The following TERT variants were observed in gnomAD, a reference collection of about 807,000 sequenced individuals.
TERT encodes the protein telomerase reverse transcriptase, also known as telomerase catalytic subunit.
A neutral mutation model predicts 104.0 loss-of-function variants in TERT; 42 were observed. The ratio of observed to expected loss-of-function variants is 0.40; its 90% CI spans 0.32 to 0.52. TERT has a LOEUF of 0.52. TERT is among the 20% of genes least tolerant of loss of function. The probability of loss-of-function intolerance (pLI) is 0.43; values close to 1 mark genes in which losing one functional copy is unlikely to be tolerated. For missense variants in TERT, 1,101 were observed against 1,610.3 expected, an observed-to-expected ratio of 0.68 and a Z score of 5.41; for synonymous variants, 781 against 725.6, an observed-to-expected ratio of 1.08 and a Z score of -1.23.
At chr5:1,259,533 G>A (rs1579549605) in intron 12 of TERT, among the ~76,000 whole-genome samples, 1 of 128,538 alleles carries the variant, frequency 7.8e-6, no homozygotes, top group African/African-American at 3.0e-5. Context: ...AGGAGAGAGG[G>A]AGCAGACGCA....
In TERT at chr5:1,268,573, G is replaced by A. The variant is rs1268553346; in HGVS notation, c.2529C>T (p.Ser843=). The part of the protein sequence containing the change: ...QGSILSTLLC[S]LCYGDMENKL... ...TGTTCTCCATGTCGCCGTAGCACAG[G>A]CTGCAGAGCAGCGTGGAGAGGATGG... The change falls in exon 9 of 16, where the codon AGC becomes AGT. Residue 843 remains serine (S), a synonymous_variant. Coordinates refer to ENST00000310581, the MANE Select transcript of TERT (RefSeq NM_198253.3). This position sits in a 1 kb window ranked among gnomAD's most constrained non-coding sequence, Gnocchi z 5.5. The A allele has an allele frequency of 1.9e-6, 3 of 1,613,468 alleles. No homozygotes were observed. The highest frequency in any genetic ancestry group is 1.7e-5 in the Admixed American group (1 of 60,024).
Position 1,256,168 on chromosome 5 carries a change from C to T in TERT, c.3033-757G>A, listed in dbSNP as rs2853688. Among the ~76,000 whole-genome samples, 1 of 151,990 alleles carries T rather than the reference C, an allele frequency of 6.6e-6. No homozygotes were observed. The highest frequency in any genetic ancestry group is 2.4e-5 in the African/African-American group (1 of 41,378). On this transcript the variant is annotated intron_variant, in intron 13 of 15. Transcript: ENST00000310581. The surrounding 1 kb of genome is among the most constrained non-coding windows in gnomAD (Gnocchi z 7.0). ...GGAACTACAGGCGCACACCACCATG[C>T]TCAGCTAATTTTTGTTTTTATTTTT...
rs1183813255 is a variant in TERT at position 1,260,522 on chromosome 5, G to A, written c.2922C>T (p.Leu974=). 2 of 1,614,078 alleles carry A rather than the reference G, an allele frequency of 1.2e-6. No individual in the cohort carries two copies. The highest frequency in any genetic ancestry group is 1.7e-6 in the Non-Finnish European group (2 of 1,180,038). ...GACACTTCAGCCGCAAGACCCCAAA[G>A]AGTTTGCGACGCATGTTCCTCCCAG... ...FKAGRNMRRK[L]FGVLRLKCHS... is the part of the protein sequence containing the mutation. The change falls in exon 12 of 16, where the codon CTC becomes CTT. Residue 974 remains leucine (L), a synonymous_variant. Transcript: ENST00000310581.
Position 1,270,959 on chromosome 5 carries a change from G to A in TERT, c.2468+160C>T, listed in dbSNP as rs1579563085. 6.6e-6 allele frequency among the ~76,000 whole-genome samples: 1 copy of A among 152,224 alleles called. No individual in the cohort carries two copies. Among genetic ancestry groups the A allele is most frequent in the East Asian group, 1.9e-4 (1 of 5,178 alleles). Reference sequence around the variant, plus strand: ...GAGCCATGTTTCCGGGGCCTCGGGAGCCTGCAGCCCAGGAGCCGGAGGGGG... The same window carrying A: ...GAGCCATGTTTCCGGGGCCTCGGGAACCTGCAGCCCAGGAGCCGGAGGGGG... On this transcript the variant is annotated intron_variant, in intron 8 of 15. Transcript: ENST00000310581. This position sits in a 1 kb window ranked among gnomAD's most constrained non-coding sequence, Gnocchi z 8.3.
intron 3 of TERT, among the ~76,000 whole-genome samples, chr5:1,280,740 G>GT (rs894233703): frequency 2.0e-5 from 3 of 152,130 alleles, no homozygotes; most frequent in African/African-American, 7.2e-5. Flanking sequence ...GGACCCCCAG[G>GT]TAGAAAGAGC....
At chr5:1,271,326 G>A (rs1007955897) in intron 7 of TERT, 122 bp from the exon 8 acceptor site, 4 of 756,034 alleles carry the variant, frequency 5.3e-6, no homozygotes, top group African/African-American at 3.4e-5. Context: ...GCGGGGCTGG[G>A]CTGGAATGCA....
rs1043189575 is a variant in TERT at position 1,281,135 on chromosome 5, G to A, written c.1770-797C>T. 2.0e-5 allele frequency among the ~76,000 whole-genome samples: 3 copies of A among 152,218 alleles called. No homozygotes were observed. The South Asian group carries it at 6.2e-4, about 32-fold the overall frequency. ...CCACCACGTCTGTCTGCTCCTTCCG[G>A]TCACCCCAATTAAATTCTTTCCAAA... On this transcript the variant is annotated intron_variant, in intron 3 of 15. Coordinates refer to ENST00000310581, the MANE Select transcript of TERT (RefSeq NM_198253.3).
At chr5:1,266,403 G>A in intron 10 of TERT, 61 bp downstream of exon 10, 1 of 1,413,038 alleles carries the variant, frequency 7.1e-7, no homozygotes, top group Non-Finnish European at 9.9e-7. Flanking sequence ...GGACACGGGG[G>A]GCTCAACTGC....
Position 1,260,393 on chromosome 5 carries a change from C to G in TERT, c.2970+81G>C, listed in dbSNP as rs1748137398. The G allele has an allele frequency of 5.6e-6, 9 of 1,600,548 alleles. No homozygotes were observed. The South Asian group carries it at 1.0e-4, about 18-fold the overall frequency. ...AGCCAGTCACCATCAGCCTTGCAGG[C>G]ACGCGCGCACACACACACACACATA... On this transcript the variant is annotated intron_variant, in intron 12 of 15. Transcript: ENST00000310581.
chr5:1,277,409 C>T (rs899728192), intron 6 of TERT, among the ~76,000 whole-genome samples: 12 of 152,244 alleles, frequency 7.9e-5, no homozygotes, highest in East Asian at 1.9e-4. Context: ...GATACATCCA[C>T]GTGGCGAGTT....
rs1175571443 is a variant in TERT at position 1,274,587 on chromosome 5, C to T, written c.2287-2307G>A. On this transcript the variant is annotated intron_variant, in intron 6 of 15. Coordinates refer to ENST00000310581, the MANE Select transcript of TERT (RefSeq NM_198253.3). The surrounding 1 kb of genome is among the most constrained non-coding windows in gnomAD (Gnocchi z 5.3). ...GAGCACAGAATCTAGACCCCTCTCA[C>T]GCACAGTTCTCAGTAGGGTGTGTGC... 1.3e-5 allele frequency among the ~76,000 whole-genome samples: 2 copies of T among 152,216 alleles called. No homozygotes were observed. The highest frequency in any genetic ancestry group is 2.9e-5 in the Non-Finnish European group (2 of 68,050).
chr5:1,260,282 G>A (rs1177032548), intron 12 of TERT, among the ~76,000 whole-genome samples, 192 bp downstream of exon 12: 1 of 152,258 alleles, frequency 6.6e-6, no homozygotes, highest in Non-Finnish European at 1.5e-5. Context: ...TTGCACACCT[G>A]TGCACACACT....
At chr5:1,291,051 C>T (rs62332597) in intron 2 of TERT, among the ~76,000 whole-genome samples, 5,332 of 9,596 alleles carry the variant, frequency 0.56, 2,063 homozygotes, top group East Asian at 0.64. Flanking sequence ...CAGGGACACC[C>T]GGGGACAGTG....
At chr5:1,276,085 C>T (rs1579571152) in intron 6 of TERT, among the ~76,000 whole-genome samples, 4 of 143,970 alleles carry the variant, frequency 2.8e-5, no homozygotes, top group Non-Finnish European at 4.6e-5. Flanking sequence ...TCCCCACCTA[C>T]CCCACACATG....
At position 1,253,437 on chromosome 5, in the gene TERT, G is replaced by A. The variant is rs949988527; in HGVS notation, c.*291C>T. 1 of 552,156 alleles carries A rather than the reference G, an allele frequency of 1.8e-6. No homozygotes were observed. The highest frequency in any genetic ancestry group is 2.1e-5 in the South Asian group (1 of 48,424). 34.2% of individuals were successfully genotyped at this position (552,156 alleles called of 1,614,324 possible). ...TTCCTATGTGGGGAGTGGAAGCCGGGCTCCTGGTGAGGAAAAGCTGGCCCT... is the reference window on the plus strand; with the variant it reads ...TTCCTATGTGGGGAGTGGAAGCCGGACTCCTGGTGAGGAAAAGCTGGCCCT... On this transcript the variant is annotated 3_prime_UTR_variant, in exon 16 of 16. Transcript: ENST00000310581.
At position 1,253,240 on chromosome 5, in the gene TERT, G is replaced by A. The variant is rs1747453583; in HGVS notation, c.*488C>T. 3.9e-6 allele frequency: 1 copy of A among 259,010 alleles called. No individual in the cohort carries two copies. The highest frequency in any genetic ancestry group is 7.5e-6 in the Non-Finnish European group (1 of 133,918). 16.0% of individuals were successfully genotyped at this position (259,010 alleles called of 1,614,324 possible). A position where few individuals can be genotyped will look rare whatever the true frequency, so the allele number is the denominator to read the frequency against. Reference sequence around the variant, plus strand: ...GCACCTCCCCCCAATTTGACCCACAGGGACCCCCATCCAGGTGCAGGGTCC... The same window carrying A: ...GCACCTCCCCCCAATTTGACCCACAAGGACCCCCATCCAGGTGCAGGGTCC... On this transcript the variant is annotated 3_prime_UTR_variant, in exon 16 of 16. Coordinates refer to ENST00000310581, the MANE Select transcript of TERT (RefSeq NM_198253.3).
rs143249773 is a variant in TERT at position 1,274,179 on chromosome 5, G to C, written c.2287-1899C>G. Among the ~76,000 whole-genome samples the C allele has an allele frequency of 2.0e-5, 3 of 152,186 alleles. No homozygotes were observed. Among genetic ancestry groups the C allele is most frequent in the Non-Finnish European group, 4.4e-5 (3 of 68,040 alleles). On this transcript the variant is annotated intron_variant, in intron 6 of 15. Coordinates refer to ENST00000310581, the MANE Select transcript of TERT (RefSeq NM_198253.3). The surrounding 1 kb of genome is among the most constrained non-coding windows in gnomAD (Gnocchi z 5.3). ...TGTTCCCCAGCCCCCAGGAGCTGGC[G>C]GCAGGGCCGTGGGCTAAAACCACAT...
chr5:1,253,612 C>T lies in TERT; in HGVS notation c.*116G>A. 1 of 865,846 alleles carries T rather than the reference C, an allele frequency of 1.2e-6. No individual in the cohort carries two copies. The highest frequency in any genetic ancestry group is 1.9e-6 in the Non-Finnish European group (1 of 538,372). The allele number at this position is 865,846 out of a possible 1,614,324, so 53.6% of individuals were successfully genotyped here. ...CTCGGCCAAACACTCACTCAGGCCT[C>T]AGACTCCCAGCGGTGCGGGCCTGGG... On this transcript the variant is annotated 3_prime_UTR_variant, in exon 16 of 16. Coordinates refer to ENST00000310581, the MANE Select transcript of TERT (RefSeq NM_198253.3).
At chr5:1,282,379 T>G in intron 3 of TERT, 50 bp downstream of exon 3, 1 of 1,589,078 alleles carries the variant, frequency 6.3e-7, no homozygotes, top group Non-Finnish European at 8.6e-7. Context: ...GAGGCCGGGC[T>G]GGTGTTCCAG....
Sources: gnomAD v4.1 joint callset for allele counts (sites outside exome capture counted in the v4.1 genomes callset) on GRCh38, gnomAD v4.1.1 for gene constraint, Gnocchi (gnomAD v3.1) non-coding constraint, MANE v1.5 for transcripts, NCBI Gene and HGNC (gene_info 2026-07-23, HGNC 2026-07-21) for gene names.